Variants in LGSN observed in about 807,000 individuals in gnomAD.
LGSN encodes lengsin, lens protein with glutamine synthetase domain.
LGSN carries 21 observed loss-of-function variants against 19.5 expected under a neutral mutation model. The ratio of observed to expected loss-of-function variants is 1.07; its 90% CI spans 0.76 to 1.55. The LOEUF (loss-of-function observed/expected upper bound fraction) is 1.55, where lower values mean the gene tolerates loss of function less well. LGSN is among the 40% of genes most tolerant of loss of function. The pLI is 0.00. For missense variants in LGSN, 673 were observed against 608.5 expected (o/e 1.11, Z -1.12); for synonymous variants, 257 against 215.6 (o/e 1.19, Z -1.68).
chr6:63,477,591 A>G, the LGSN span, among the ~76,000 whole-genome samples: 2 of 151,364 alleles, frequency 1.3e-5, no homozygotes, highest in Non-Finnish European at 1.5e-5. Flanking sequence ...ACGAAGCTTC[A>G]AAAATGTTTT....
At chr6:63,515,365 G>A in the LGSN span, among the ~76,000 whole-genome samples, 1 of 152,006 alleles carries the variant, frequency 6.6e-6, no homozygotes. Flanking sequence ...CCGTGTAGCT[G>A]GGATTACAGG....
the LGSN span, among the ~76,000 whole-genome samples, chr6:63,413,795 T>A: frequency 1.3e-5 from 2 of 152,204 alleles, no homozygotes; most frequent in African/African-American, 4.8e-5. Flanking sequence ...GATTTTGCCT[T>A]AATAGGATAA....
chr6:63,399,938 C>T, the LGSN span, among the ~76,000 whole-genome samples: 1 of 152,144 alleles, frequency 6.6e-6, no homozygotes, highest in Non-Finnish European at 1.5e-5. Flanking sequence ...CTCCTGGCCT[C>T]AAGTGATCTT....
chr6:63,351,040 A>G, the LGSN span, among the ~76,000 whole-genome samples: 1 of 152,180 alleles, frequency 6.6e-6, no homozygotes. Flanking sequence ...CAAGGTTAAC[A>G]TAAGAGGTGG....
At chr6:63,549,505 G>T in the LGSN span, 2 of 743,966 alleles carry the variant, frequency 2.7e-6, no homozygotes, top group Non-Finnish European at 2.4e-6. Context: ...TTTCCTTTCG[G>T]CAGGAGGAGA....
chr6:63,330,908 G>A, the LGSN span, among the ~76,000 whole-genome samples: 52 of 152,314 alleles, frequency 3.4e-4, no homozygotes, highest in African/African-American at 1.2e-3. Context: ...CGAGGTCAAA[G>A]GTTTGCCCTA....
At chr6:63,412,775 G>A in the LGSN span, among the ~76,000 whole-genome samples, 227 of 105,272 alleles carry the variant, frequency 2.2e-3, 2 homozygotes, top group Non-Finnish European at 3.4e-3. Flanking sequence ...AAGAAAGGAA[G>A]GAAGGGAAGG....
chr6:63,445,485 G>T, the LGSN span, among the ~76,000 whole-genome samples: 1 of 152,060 alleles, frequency 6.6e-6, no homozygotes, highest in African/African-American at 2.4e-5. Flanking sequence ...CAGTGTGGTG[G>T]CAGGCGCTTG....
the LGSN span, among the ~76,000 whole-genome samples, chr6:63,442,996 G>A: frequency 1.3e-5 from 2 of 152,246 alleles, no homozygotes; most frequent in East Asian, 1.9e-4. Context: ...CTGTGGAGCA[G>A]GCGGCGGTGC....
At chr6:63,375,802 C>T in the LGSN span, among the ~76,000 whole-genome samples, 2 of 152,212 alleles carry the variant, frequency 1.3e-5, no homozygotes, top group South Asian at 4.1e-4. Flanking sequence ...AAAATTACTT[C>T]CTTTAAGTGA....
chr6:63,559,238 C>A, the LGSN span, among the ~76,000 whole-genome samples: 3 of 152,132 alleles, frequency 2.0e-5, no homozygotes, highest in African/African-American at 7.2e-5. Context: ...ATTATTAAAG[C>A]TGTTCTACAT....
the LGSN span, among the ~76,000 whole-genome samples, chr6:63,513,158 G>T: frequency 6.6e-6 from 1 of 152,112 alleles, no homozygotes; most frequent in Non-Finnish European, 1.5e-5. Flanking sequence ...TCACTTCATT[G>T]TTCCATAGCT....
At chr6:63,566,739 A>G in the LGSN span, among the ~76,000 whole-genome samples, 1 of 152,070 alleles carries the variant, frequency 6.6e-6, no homozygotes, top group Non-Finnish European at 1.5e-5. Context: ...AAGACAATGG[A>G]GTTTGCTGCA....
chr6:63,394,254 A>C, the LGSN span, among the ~76,000 whole-genome samples: 7 of 152,220 alleles, frequency 4.6e-5, no homozygotes, highest in African/African-American at 7.2e-5. Context: ...ACAGAGCGAG[A>C]CTCTGTCTCA....
the LGSN span, among the ~76,000 whole-genome samples, chr6:63,421,393 C>A: frequency 2.0e-5 from 3 of 150,052 alleles, no homozygotes; most frequent in Admixed American, 6.7e-5. Context: ...CCACTGCACT[C>A]CAGCCTGGGC....
intron 1 of LGSN, among the ~76,000 whole-genome samples, chr6:63,314,434 C>T (rs1878460): frequency 0.053 from 8,056 of 152,044 alleles, 707 homozygotes; most frequent in African/African-American, 0.18. Flanking sequence ...AGCCAACCTA[C>T]GGCAATTTGT....
chr6:63,431,804 T>C, the LGSN span, among the ~76,000 whole-genome samples: 88,582 of 151,686 alleles, frequency 0.58, 26,120 homozygotes, highest in South Asian at 0.61. Context: ...CAGTGGCTCA[T>C]GCCTGTAATC....
At chr6:63,561,773 G>A in the LGSN span, among the ~76,000 whole-genome samples, 1 of 152,124 alleles carries the variant, frequency 6.6e-6, no homozygotes, top group African/African-American at 2.4e-5. Flanking sequence ...ACATTTGATG[G>A]CAAACAAATA....
the LGSN span, among the ~76,000 whole-genome samples, chr6:63,341,585 T>C: frequency 6.6e-6 from 1 of 152,066 alleles, no homozygotes. Context: ...GGTGTGCTAG[T>C]CCACCTGTTC....
Sources: allele counts gnomAD v4.1 joint callset (sites outside exome capture counted in the v4.1 genomes callset), GRCh38; gene constraint gnomAD v4.1.1; transcripts MANE v1.5; gene names NCBI Gene and HGNC (gene_info 2026-07-23, HGNC 2026-07-21).